The following GOLGA8S variants were observed in gnomAD, a reference collection of about 807,000 sequenced individuals.
GOLGA8S encodes golgin A8 family member S, also known as golgin subfamily A member 8S.
In GOLGA8S, 23 loss-of-function variants were observed where a neutral mutation model predicts 58.9. The observed-to-expected ratio is 0.39, with a 90% CI of 0.28 to 0.55. GOLGA8S has a LOEUF of 0.55. Among genes scored for constraint, GOLGA8S ranks in the 20% least tolerant of loss-of-function variants. GOLGA8S has a pLI of 0.63. For synonymous variants in GOLGA8S, 84 were observed against 195.7 expected (o/e 0.43, Z 4.76); for missense variants, 266 against 514.2 (o/e 0.52, Z 4.67).
chr15:23,365,309 G>T, downstream of GOLGA8S: 1 of 732,570 alleles, frequency 1.4e-6, no homozygotes, highest in Non-Finnish European at 2.2e-6. Flanking sequence ...GAGAGTGGGT[G>T]TCTGTGGCTC....
intron 2 of GOLGA8S, among the ~76,000 whole-genome samples, chr15:23,357,042 C>T (rs2069697439): frequency 1.7e-5 from 2 of 118,874 alleles, no homozygotes; most frequent in Non-Finnish European, 3.6e-5. Context: ...TTCGATTTTC[C>T]TCATCCCCAG....
downstream of GOLGA8S, among the ~76,000 whole-genome samples, chr15:23,367,672 G>A (rs1214108360): frequency 6.6e-6 from 1 of 151,740 alleles, no homozygotes; most frequent in African/African-American, 2.4e-5. Flanking sequence ...AGTCTTTTGC[G>A]ATACCTCATT....
In GOLGA8S at chr15:23,360,649, G is replaced by A. The variant is rs2069771840; in HGVS notation, c.787-79G>A. 5 of 1,252,098 alleles carry A rather than the reference G, an allele frequency of 4.0e-6. 1 individual carries two copies. The highest frequency in any genetic ancestry group is 2.4e-5 in the South Asian group (2 of 82,070). 77.6% of individuals were successfully genotyped at this position (1,252,098 alleles called of 1,614,324 possible). On this transcript the variant is annotated intron_variant, in intron 10 of 18. Coordinates refer to ENST00000562295, the Ensembl canonical transcript of GOLGA8S. Reference sequence around the variant, plus strand: ...TCATGGGACTGGGCTTTGTGGAGGTGGGGGCAGAGAGGGAGAGGGCAGCCT... The same window carrying A: ...TCATGGGACTGGGCTTTGTGGAGGTAGGGGCAGAGAGGGAGAGGGCAGCCT...
chr15:23,362,639 G>A (rs1185061009), intron 13 of GOLGA8S, among the ~76,000 whole-genome samples: 1 of 140,012 alleles, frequency 7.1e-6, no homozygotes, highest in Non-Finnish European at 1.6e-5. Context: ...TTGAAATGGT[G>A]GGAAGAGGAC....
chr15:23,364,136 C>G (rs1409629487), intron 15 of GOLGA8S, among the ~76,000 whole-genome samples: 2 of 137,634 alleles, frequency 1.5e-5, no homozygotes, highest in Non-Finnish European at 3.1e-5. Flanking sequence ...CTGGTGGCCT[C>G]GGCCCAGAAG....
intron 13 of GOLGA8S, among the ~76,000 whole-genome samples, chr15:23,362,345 AC>A (rs1361794136): frequency 7.2e-6 from 1 of 138,986 alleles, no homozygotes; most frequent in Non-Finnish European, 1.6e-5. Flanking sequence ...CTGAGATTGC[AC>A]CACTGCACTC....
At chr15:23,361,041 T>C (rs1338385442) in intron 11 of GOLGA8S, among the ~76,000 whole-genome samples, 180 bp from the exon 12 acceptor site, 1 of 149,840 alleles carries the variant, frequency 6.7e-6, no homozygotes, top group Non-Finnish European at 1.5e-5. Flanking sequence ...TGAAAGTGCT[T>C]TGGAAGACTG....
downstream of GOLGA8S, among the ~76,000 whole-genome samples, chr15:23,368,147 C>A (rs2069950970): frequency 6.6e-6 from 1 of 151,780 alleles, no homozygotes; most frequent in African/African-American, 2.4e-5. Flanking sequence ...AAAGAAATGC[C>A]AATTCCAGTC....
At chr15:23,356,318 C>T (rs2069688152) in intron 1 of GOLGA8S, among the ~76,000 whole-genome samples, 1 of 142,228 alleles carries the variant, frequency 7.0e-6, no homozygotes, top group African/African-American at 2.5e-5. Context: ...GGTTTTGGTC[C>T]CTGGCAGCTG....
intron 11 of GOLGA8S, among the ~76,000 whole-genome samples, 166 bp downstream of exon 11, chr15:23,360,981 C>T (rs1479015904): frequency 3.5e-4 from 52 of 148,306 alleles, no homozygotes; most frequent in African/African-American, 1.1e-3. Context: ...GCCTCAGTGT[C>T]CCCATCAGCA....
At chr15:23,356,231 C>T (rs1177269722) in intron 1 of GOLGA8S, among the ~76,000 whole-genome samples, 8 of 145,278 alleles carry the variant, frequency 5.5e-5, no homozygotes, top group African/African-American at 1.7e-4. Context: ...CACTAACAGA[C>T]GTGTGAGGAT....
In GOLGA8S at chr15:23,364,343, A is replaced by T. The variant is rs779075800; in HGVS notation, c.1348A>T (p.Ser450Cys). 3.7e-6 allele frequency: 6 copies of T among 1,602,130 alleles called. No homozygotes were observed. The South Asian group carries it at 5.5e-5, about 15-fold the overall frequency. The change falls in exon 16 of 19, where the codon AGC (serine) becomes TGC (cysteine). Residue 450 changes from serine (S) to cysteine (C), a missense_variant and splice_region_variant. Physicochemically the swap from Ser to Cys is moderately radical, Grantham distance 112 (BLOSUM62 -1). This residue lies in a region of GOLGA8S where 88 missense variants were observed against 77.7 expected (regional missense o/e 1.13). Transcript: ENST00000562295. ...TGTGACTACAATATTTTGGCTCCAG[A>T]GCAGCTTTATGGACCACCTGGAGGA...
chr15:23,356,208 G>A (rs1210738742), intron 1 of GOLGA8S, among the ~76,000 whole-genome samples: 2 of 145,220 alleles, frequency 1.4e-5, no homozygotes, highest in African/African-American at 4.9e-5. Flanking sequence ...AGAGGTACAG[G>A]TGCACTTCTT....
chr15:23,361,203 G>C lies in GOLGA8S; in HGVS notation c.875-18G>C. The stretch of plus-strand genomic sequence containing the variant: ...TTTTTGGAATCCAGAGGCTCTTATT[G>C]TCTGCTTCCTTTCTCAGCTGAACCT... On this transcript the variant is annotated intron_variant, in intron 11 of 18. Coordinates refer to ENST00000562295, the Ensembl canonical transcript of GOLGA8S. 1 of 1,225,636 alleles carries C rather than the reference G, an allele frequency of 8.2e-7. No individual in the cohort carries two copies. Among genetic ancestry groups the C allele is most frequent in the Non-Finnish European group, 1.2e-6 (1 of 865,232 alleles). 75.9% of individuals were successfully genotyped at this position (1,225,636 alleles called of 1,614,324 possible).
At chr15:23,361,155 T>C (rs1488654021) in intron 11 of GOLGA8S, 66 bp from the exon 12 acceptor site, 1 of 994,812 alleles carries the variant, frequency 1.0e-6, no homozygotes, top group Non-Finnish European at 1.4e-6. Flanking sequence ...TTTTCTTTTC[T>C]TTTCTTTTCT....
At chr15:23,358,097 C>A (rs1257100187) in intron 4 of GOLGA8S, among the ~76,000 whole-genome samples, 23 of 151,612 alleles carry the variant, frequency 1.5e-4, no homozygotes, top group African/African-American at 5.1e-4. Context: ...CCTTTTCCAC[C>A]CTAAATCTTC....
intron 4 of GOLGA8S, among the ~76,000 whole-genome samples, chr15:23,358,178 C>A (rs1350882645): frequency 2.0e-5 from 3 of 152,284 alleles, no homozygotes; most frequent in Non-Finnish European, 4.4e-5. Flanking sequence ...TTCTAAATCA[C>A]AAGCTGGCAG....
chr15:23,361,338 G>A (rs751781887), exon 12 of GOLGA8S: 9 of 1,186,080 alleles, frequency 7.6e-6, no homozygotes, highest in East Asian at 2.3e-5. Context: ...TACAATCAGC[G>A]CATAAGTCTC....
At chr15:23,363,717 C>T (rs1271275789) in exon 15 of GOLGA8S, 2 of 525,030 alleles carry the variant, frequency 3.8e-6, no homozygotes, top group Non-Finnish European at 6.4e-6. Context: ...GGGGAGGAGG[C>T]ACCTCGGCCC....
Sources: allele counts gnomAD v4.1 joint callset (sites outside exome capture counted in the v4.1 genomes callset), GRCh38; gene constraint gnomAD v4.1.1; regional missense constraint gnomAD v4.1.1; transcripts MANE v1.5; gene names NCBI Gene and HGNC (gene_info 2026-07-23, HGNC 2026-07-21).